IRF6: variants seen among roughly 807,000 people sequenced by gnomAD.
The protein encoded by IRF6 is Van der Woude syndrome.
IRF6 carries 6 observed loss-of-function variants against 51.4 expected under a neutral mutation model. The observed-to-expected ratio is 0.12, with a 90% CI of 0.06 to 0.23. The LOEUF (loss-of-function observed/expected upper bound fraction) is 0.23. Among genes scored for constraint, IRF6 ranks in the 10% least tolerant of loss-of-function variants. The pLI, the probability that IRF6 is intolerant of heterozygous loss-of-function variation, is 1.00. For synonymous variants in IRF6, 178 were observed against 215.7 expected (o/e 0.83, Z 1.53); for missense variants, 348 against 585.2 (o/e 0.59, Z 4.18).
rs146078290 is a variant in IRF6 at position 209,788,078 on chromosome 1, T to G, written c.*342A>C. The G allele has an allele frequency of 1.0e-4, 33 of 329,142 alleles. 1 individual carries two copies. In the East Asian group the frequency reaches 2.4e-3, roughly 24 times the overall value. 20.4% of individuals were successfully genotyped at this position (329,142 alleles called of 1,614,324 possible). On this transcript the variant is annotated 3_prime_UTR_variant, in exon 9 of 9. Transcript: ENST00000367021. ...CAGGCACTACTCCAATCTCTTCACT[T>G]TATAAGCAATAAATCTGAAGCCCAG... is the stretch of plus-strand genomic sequence containing the variant.
intron 3 of IRF6, among the ~76,000 whole-genome samples, chr1:209,800,471 A>T (rs915349049): frequency 1.3e-5 from 2 of 152,238 alleles, no homozygotes; most frequent in African/African-American, 4.8e-5. Flanking sequence ...TCAAAAGAAA[A>T]GCTTGCCAGG....
intron 6 of IRF6, chr1:209,791,106 A>C: frequency 4.0e-5 from 38 of 952,924 alleles, no homozygotes; most frequent in Non-Finnish European, 4.2e-5. Context: ...AGTCCATCTC[A>C]ACTATTTCTG....
chr1:209,795,451 A>T, intron 4 of IRF6, 33 bp from the exon 5 acceptor site: 1 of 1,612,518 alleles, frequency 6.2e-7, no homozygotes, highest in Non-Finnish European at 8.5e-7. Flanking sequence ...CAGGTGAGCC[A>T]TTCAGGTTGC....
intron 5 of IRF6, among the ~76,000 whole-genome samples, chr1:209,793,600 A>G (rs1030409408): frequency 1.3e-5 from 2 of 152,214 alleles, no homozygotes; most frequent in Non-Finnish European, 2.9e-5. Flanking sequence ...TCAGGGATAC[A>G]TGTGCAGGTT....
rs200165413 is a variant in IRF6 at position 209,790,468 on chromosome 1, C to T, written c.1060+27G>A. 1.6e-5 allele frequency: 25 copies of T among 1,610,542 alleles called. No homozygotes were observed. Among genetic ancestry groups the T allele is most frequent in the East Asian group, 4.5e-5 (2 of 44,886 alleles). On this transcript the variant is annotated intron_variant, in intron 7 of 8. Coordinates refer to ENST00000367021, the MANE Select transcript of IRF6 (RefSeq NM_006147.4). The surrounding 1 kb of genome is among the most constrained non-coding windows in gnomAD (Gnocchi z 4.8). ...ATGTACTTCCAGAGAGTGATTCCCACGATCAACTTTCTGAGAAATGACTTA... is the reference window on the plus strand; with the variant it reads ...ATGTACTTCCAGAGAGTGATTCCCATGATCAACTTTCTGAGAAATGACTTA...
At chr1:209,795,472 C>A in intron 4 of IRF6, 54 bp from the exon 5 acceptor site, 3 of 1,609,890 alleles carry the variant, frequency 1.9e-6, no homozygotes, top group Non-Finnish European at 2.5e-6. Context: ...ACTGCCACCC[C>A]TGCAGCTGAC....
At position 209,792,327 on chromosome 1, in the gene IRF6, G is replaced by A. The variant is rs2077874010; in HGVS notation, c.609C>T (p.Pro203=). The part of the protein sequence containing the change: ...PKTEPLEMEV[P]QAPIQPFYSS... ...TATAGAAGGGCTGTATAGGTGCCTG[G>A]GGTACTTCCATCTCCAGGGGTTCAG... The change falls in exon 6 of 9, where the codon CCC becomes CCT. Residue 203 remains proline, a synonymous_variant. Coordinates refer to ENST00000367021, the MANE Select transcript of IRF6 (RefSeq NM_006147.4). 3 of 1,614,072 alleles carry A rather than the reference G, an allele frequency of 1.9e-6. No individual in the cohort carries two copies. The highest frequency in any genetic ancestry group is 2.5e-6 in the Non-Finnish European group (3 of 1,180,022).
chr1:209,795,457 G>A (rs1475156460), intron 4 of IRF6, 39 bp from the exon 5 acceptor site: 3 of 1,611,770 alleles, frequency 1.9e-6, no homozygotes, highest in African/African-American at 2.7e-5. Context: ...AGCCATTCAG[G>A]TTGCACTGCC....
intron 4 of IRF6, among the ~76,000 whole-genome samples, chr1:209,795,676 G>A (rs1159532509): frequency 6.6e-6 from 1 of 152,140 alleles, no homozygotes. Flanking sequence ...TAATTGGAGG[G>A]ATCAGGAGAT....
At chr1:209,801,444 A>G in intron 2 of IRF6, 28 bp from the exon 3 acceptor site, 1 of 1,541,640 alleles carries the variant, frequency 6.5e-7, no homozygotes, top group Non-Finnish European at 8.7e-7. Flanking sequence ...AGAAATGGGA[A>G]GAGCAGAAGA....
Position 209,796,581 on chromosome 1 carries a change from A to ATCAT in IRF6, c.175-33_175-30dup, listed in dbSNP as rs752924682. 2.5e-6 allele frequency: 4 copies of ATCAT among 1,583,558 alleles called. No individual in the cohort carries two copies. In the South Asian group the frequency reaches 4.4e-5, roughly 18 times the overall value. ...AGAACAAGAAACCACAGTGAGTCCT[A>ATCAT]TCATTGCCCAGAGCCACTGCAAAGC... On this transcript the variant is annotated intron_variant, in intron 3 of 8. Transcript: ENST00000367021. This position sits in a 1 kb window ranked among gnomAD's most constrained non-coding sequence, Gnocchi z 4.5.
Position 209,792,775 on chromosome 1 carries a change from C to T in IRF6, c.509-348G>A, listed in dbSNP as rs2077877085. Reference sequence around the variant, plus strand: ...CAGCAATTAAATAGAAGCTGGTTGTCTTCCATAAAACGAACTCAGCTAAAT... The same window carrying T: ...CAGCAATTAAATAGAAGCTGGTTGTTTTCCATAAAACGAACTCAGCTAAAT... On this transcript the variant is annotated intron_variant, in intron 5 of 8. Transcript: ENST00000367021. The T allele has an allele frequency of 9.1e-6, 3 of 331,400 alleles. No homozygotes were observed. In the South Asian group the frequency reaches 1.0e-4, roughly 11 times the overall value. 20.5% of individuals were successfully genotyped at this position (331,400 alleles called of 1,614,324 possible). A position where few individuals can be genotyped will look rare whatever the true frequency, so the allele number is the denominator to read the frequency against.
intron 3 of IRF6, among the ~76,000 whole-genome samples, chr1:209,800,715 T>C (rs1280902314): frequency 2.0e-5 from 3 of 152,100 alleles, no homozygotes; most frequent in Admixed American, 1.3e-4. Flanking sequence ...GCTATGATCA[T>C]GCCACTTGCA....
chr1:209,788,140 A>C lies in IRF6; in HGVS notation c.*280T>G. 2 of 450,226 alleles carry C rather than the reference A, an allele frequency of 4.4e-6. No individual in the cohort carries two copies. Among genetic ancestry groups the C allele is most frequent in the East Asian group, 4.4e-5 (1 of 22,854 alleles). The allele number at this position is 450,226 out of a possible 1,614,324, so 27.9% of individuals were successfully genotyped here. On this transcript the variant is annotated 3_prime_UTR_variant, in exon 9 of 9. Coordinates refer to ENST00000367021, the MANE Select transcript of IRF6 (RefSeq NM_006147.4). The stretch of plus-strand genomic sequence containing the variant: ...CTTGTTCAAGGTCACATTGGAAGCA[A>C]AGCTGCAGCTAGAACTTTGGTGTCC...
At chr1:209,798,908 CAAAAAAA>C (rs61182544) in intron 3 of IRF6, among the ~76,000 whole-genome samples, 1 of 99,096 alleles carries the variant, frequency 1.0e-5, no homozygotes, top group Non-Finnish European at 1.9e-5. Flanking sequence ...GACTCTGTCT[CAAAAAAA>C]AAAAAAAAAA....
rs2077832527 is a variant in IRF6 at position 209,786,204 on chromosome 1, G to A, written c.*2216C>T. The A allele has an allele frequency of 6.6e-6, 1 of 152,160 alleles. No homozygotes were observed. Among genetic ancestry groups the A allele is most frequent in the Non-Finnish European group, 1.5e-5 (1 of 68,018 alleles). 9.4% of individuals were successfully genotyped at this position (152,160 alleles called of 1,614,324 possible). A position where few individuals can be genotyped will look rare whatever the true frequency, so the allele number is the denominator to read the frequency against. Reference sequence around the variant, plus strand: ...AGAGAAAGAGTGCTGAGGGTGATTAGATGGAATCCCTGCATGTACTCTCCC... The same window carrying A: ...AGAGAAAGAGTGCTGAGGGTGATTAAATGGAATCCCTGCATGTACTCTCCC... On this transcript the variant is annotated 3_prime_UTR_variant, in exon 9 of 9. Coordinates refer to ENST00000367021, the MANE Select transcript of IRF6 (RefSeq NM_006147.4).
chr1:209,791,161 G>T (rs1372734409), intron 6 of IRF6: 1 of 568,648 alleles, frequency 1.8e-6, no homozygotes, highest in Non-Finnish European at 2.2e-6. Flanking sequence ...CAAGTAAAGT[G>T]GTCCTGGTGT....
In IRF6 at chr1:209,788,574, C is replaced by A. The variant is rs780250794; in HGVS notation, c.1250G>T (p.Gly417Val). ...SGDFTRSFDS[G>V]SVRLQISTPD... ...GGTTGAGATCTGCAGGCGGACACTG[C>A]CACTATCAAAGGATCGTGTGAAATC... Residue 417 changes from glycine (G) to valine (V), a missense_variant, in exon 9 of 9, where the codon GGC becomes GTC. Around this residue, in one of 5 missense-constraint regions of IRF6, gnomAD observed 48 missense variants for 66.9 expected, o/e 0.72. Transcript: ENST00000367021. The A allele has an allele frequency of 6.2e-7, 1 of 1,614,074 alleles. No individual in the cohort carries two copies. The highest frequency in any genetic ancestry group is 8.5e-7 in the Non-Finnish European group (1 of 1,180,008).
rs960877349 is a variant in IRF6 at position 209,790,338 on chromosome 1, T to C, written c.1060+157A>G. Among the ~76,000 whole-genome samples, 1 of 152,252 alleles carries C rather than the reference T, an allele frequency of 6.6e-6. No individual in the cohort carries two copies. The highest frequency in any genetic ancestry group is 2.4e-5 in the African/African-American group (1 of 41,470). On this transcript the variant is annotated intron_variant, in intron 7 of 8. Coordinates refer to ENST00000367021, the MANE Select transcript of IRF6 (RefSeq NM_006147.4). The surrounding 1 kb of genome is among the most constrained non-coding windows in gnomAD (Gnocchi z 4.8). ...TGTTGCCTAGGTCACCTCCAATTTTTAGAACCAAAGTTCTGTTCTCCCTTG... is the reference window on the plus strand; with the variant it reads ...TGTTGCCTAGGTCACCTCCAATTTTCAGAACCAAAGTTCTGTTCTCCCTTG...
Sources: gnomAD v4.1 joint callset for allele counts (sites outside exome capture counted in the v4.1 genomes callset) on GRCh38, gnomAD v4.1.1 for gene constraint, gnomAD v4.1.1 regional missense constraint, Gnocchi (gnomAD v3.1) non-coding constraint, MANE v1.5 for transcripts, NCBI Gene and HGNC (gene_info 2026-07-23, HGNC 2026-07-21) for gene names.